TRUB1: variants seen among roughly 807,000 people sequenced by gnomAD.
The protein encoded by TRUB1 is pseudouridylate synthase TRUB1.
TRUB1 carries 23 observed loss-of-function variants against 33.9 expected under a neutral mutation model. That is an observed-to-expected ratio of 0.68 (90% CI 0.49 to 0.96). TRUB1 has a LOEUF of 0.96. Among genes scored for constraint, TRUB1 ranks in the 40% least tolerant of loss-of-function variants. TRUB1 has a pLI of 0.00. For missense variants in TRUB1, 378 were observed against 422.2 expected (o/e 0.90, Z 0.92); for synonymous variants, 163 against 165.4 (o/e 0.99, Z 0.11).
At chr10:114,953,909 A>T (rs1343552255) in intron 3 of TRUB1, among the ~76,000 whole-genome samples, 1 of 152,114 alleles carries the variant, frequency 6.6e-6, no homozygotes, top group Non-Finnish European at 1.5e-5. Flanking sequence ...TTAATGCAGG[A>T]TCCGCCCTCA....
At chr10:114,973,378 T>G (rs946039553) in intron 6 of TRUB1, among the ~76,000 whole-genome samples, 1 of 152,162 alleles carries the variant, frequency 6.6e-6, no homozygotes, top group Non-Finnish European at 1.5e-5. Context: ...AGAGCTGTCT[T>G]TTCACTCAAG....
At chr10:114,944,147 C>T (rs1214405290) in intron 2 of TRUB1, among the ~76,000 whole-genome samples, 2 of 151,892 alleles carry the variant, frequency 1.3e-5, no homozygotes. Flanking sequence ...ATTGGGATCC[C>T]TCTCAGTGCC....
chr10:114,954,184 G>C (rs1303350095), intron 3 of TRUB1, among the ~76,000 whole-genome samples: 1 of 152,152 alleles, frequency 6.6e-6, no homozygotes, highest in East Asian at 1.9e-4. Flanking sequence ...AGAAAAATTA[G>C]ACTTCTGGTA....
intron 2 of TRUB1, among the ~76,000 whole-genome samples, chr10:114,946,163 T>C (rs1357624873): frequency 6.6e-6 from 1 of 152,146 alleles, no homozygotes; most frequent in Non-Finnish European, 1.5e-5. Flanking sequence ...CTTTAGTTAC[T>C]AACTGTATAC....
chr10:114,941,512 A>G (rs1322331223), intron 1 of TRUB1, among the ~76,000 whole-genome samples: 2 of 151,764 alleles, frequency 1.3e-5, no homozygotes, highest in African/African-American at 4.8e-5. Flanking sequence ...TAATTTTTGT[A>G]TTTTATTTTG....
intron 3 of TRUB1, among the ~76,000 whole-genome samples, chr10:114,955,429 G>C (rs2084257785): frequency 6.6e-6 from 1 of 152,194 alleles, no homozygotes; most frequent in African/African-American, 2.4e-5. Flanking sequence ...CAGATGGAAA[G>C]GTTATGAAAA....
intron 5 of TRUB1, 82 bp downstream of exon 5, chr10:114,970,522 T>C: frequency 9.4e-7 from 1 of 1,067,188 alleles, no homozygotes; most frequent in Non-Finnish European, 1.4e-6. Context: ...ATACACGAGT[T>C]TCCTCTTAGC....
At chr10:114,970,850 CCT>C in intron 5 of TRUB1, among the ~76,000 whole-genome samples, 1 of 152,296 alleles carries the variant, frequency 6.6e-6, no homozygotes, top group Middle Eastern at 3.4e-3. Flanking sequence ...TGGGACCATT[CCT>C]ATTGGGCACA....
chr10:114,970,248 A>G (rs1280263558), intron 4 of TRUB1, 120 bp from the exon 5 acceptor site: 15 of 640,498 alleles, frequency 2.3e-5, no homozygotes, highest in East Asian at 1.3e-4. Flanking sequence ...TATAAAACAT[A>G]TACTGTAATA....
rs768800712 is a variant in TRUB1, at chr10:114,975,219, T to C, written c.890T>C (p.Ile297Thr). The C allele has an allele frequency of 6.2e-7, 1 of 1,613,710 alleles. No homozygotes were observed. Among genetic ancestry groups the C allele is most frequent in the Non-Finnish European group, 8.5e-7 (1 of 1,179,714 alleles). ...EHALPEDKWT[I>T]DDIAQSLEHC... ...GCCCTTCCTGAAGACAAATGGACAATTGATGACATTGCACAGTCTCTTGAG... is the reference window on the plus strand; with the variant it reads ...GCCCTTCCTGAAGACAAATGGACAACTGATGACATTGCACAGTCTCTTGAG... The change falls in exon 8 of 8, where the codon ATT (isoleucine) becomes ACT (threonine). Residue 297 changes from isoleucine to threonine, a missense_variant. Transcript: ENST00000298746.
chr10:114,976,877 T>C lies in TRUB1; in HGVS notation c.*1498T>C, dbSNP rs954381590. 1 of 152,116 alleles carries C rather than the reference T, an allele frequency of 6.6e-6. No homozygotes were observed. Among genetic ancestry groups the C allele is most frequent in the Non-Finnish European group, 1.5e-5 (1 of 67,990 alleles). 9.4% of individuals were successfully genotyped at this position (152,116 alleles called of 1,614,324 possible). ...ATATCAAACACACAAAGTCATAAAATGAAAATTTACAGTTTTACCTGTTCA... is the reference window on the plus strand; with the variant it reads ...ATATCAAACACACAAAGTCATAAAACGAAAATTTACAGTTTTACCTGTTCA... On this transcript the variant is annotated 3_prime_UTR_variant, in exon 8 of 8. Coordinates refer to ENST00000298746, the MANE Select transcript of TRUB1 (RefSeq NM_139169.5).
At chr10:114,961,890 A>G (rs887919075) in intron 4 of TRUB1, among the ~76,000 whole-genome samples, 1 of 152,236 alleles carries the variant, frequency 6.6e-6, no homozygotes, top group Non-Finnish European at 1.5e-5. Flanking sequence ...CAGCCTTCTG[A>G]GACCTAATAC....
chr10:114,939,047 T>C (rs1208512883), intron 1 of TRUB1, among the ~76,000 whole-genome samples: 3 of 152,224 alleles, frequency 2.0e-5, no homozygotes, highest in Non-Finnish European at 4.4e-5. Context: ...CTGTCCGAGA[T>C]TGTGATTCGG....
At chr10:114,974,948 A>T (rs917633904) in intron 7 of TRUB1, among the ~76,000 whole-genome samples, 175 bp from the exon 8 acceptor site, 1 of 152,060 alleles carries the variant, frequency 6.6e-6, no homozygotes, top group Non-Finnish European at 1.5e-5. Flanking sequence ...ATTAAGTATT[A>T]TTTTGCTACT....
chr10:114,943,023 A>G (rs886546570), intron 2 of TRUB1, among the ~76,000 whole-genome samples: 2 of 152,214 alleles, frequency 1.3e-5, no homozygotes, highest in Non-Finnish European at 2.9e-5. Flanking sequence ...TGAAATTACT[A>G]TCTTTAGAAA....
intron 2 of TRUB1, among the ~76,000 whole-genome samples, chr10:114,944,544 A>G (rs1425143405): frequency 6.6e-6 from 1 of 152,170 alleles, no homozygotes; most frequent in Non-Finnish European, 1.5e-5. Flanking sequence ...CTGTAATGCC[A>G]GCTACTCGGG....
At chr10:114,973,413 C>T (rs1277475053) in intron 6 of TRUB1, among the ~76,000 whole-genome samples, 3 of 152,120 alleles carry the variant, frequency 2.0e-5, no homozygotes, top group Non-Finnish European at 4.4e-5. Context: ...AGAGTGCTAG[C>T]GCGCCTGCAT....
chr10:114,951,032 G>C (rs2084232833), intron 2 of TRUB1, 62 bp from the exon 3 acceptor site: 1 of 1,412,850 alleles, frequency 7.1e-7, no homozygotes, highest in East Asian at 2.3e-5. Flanking sequence ...AAAAAATATA[G>C]CTATTTTAAA....
At chr10:114,948,086 G>C (rs1396346447) in intron 2 of TRUB1, among the ~76,000 whole-genome samples, 1 of 152,170 alleles carries the variant, frequency 6.6e-6, no homozygotes, top group Non-Finnish European at 1.5e-5. Context: ...AGTTATTTTT[G>C]TTTTTGTTTT....
Sources: gnomAD v4.1 joint callset for allele counts (sites outside exome capture counted in the v4.1 genomes callset) on GRCh38, gnomAD v4.1.1 for gene constraint, MANE v1.5 for transcripts, NCBI Gene and HGNC (gene_info 2026-07-23, HGNC 2026-07-21) for gene names.